PHACTR3: variants seen among roughly 807,000 people sequenced by gnomAD.
PHACTR3 encodes the protein phosphatase and actin regulator 3, also known as protein phosphatase 1, regulatory subunit 123.
In PHACTR3, 16 loss-of-function variants were observed where a neutral mutation model predicts 66.8. The observed-to-expected ratio is 0.24, with a 90% CI of 0.16 to 0.36. PHACTR3 has a LOEUF of 0.36. PHACTR3 is among the 10% of genes least tolerant of loss of function. The pLI is 1.00. For missense variants in PHACTR3, 647 were observed against 719.9 expected (o/e 0.90, Z 1.16); for synonymous variants, 323 against 292.1 (o/e 1.11, Z -1.08).
chr20:59,641,037 T>A, intron 1 of PHACTR3, among the ~76,000 whole-genome samples: 1 of 152,148 alleles, frequency 6.6e-6, no homozygotes, highest in East Asian at 1.9e-4. Context: ...ATAGAGATAA[T>A]GTATGCATAT....
At chr20:59,785,268 A>T (rs911131889) in intron 7 of PHACTR3, among the ~76,000 whole-genome samples, 2 of 151,942 alleles carry the variant, frequency 1.3e-5, no homozygotes, top group African/African-American at 4.8e-5. Context: ...GGTTGGTGAG[A>T]GTGGGTGATG....
At chr20:59,768,290 T>C (rs117102897) in intron 5 of PHACTR3, among the ~76,000 whole-genome samples, 3,399 of 152,342 alleles carry the variant, frequency 0.022, 57 homozygotes, top group Non-Finnish European at 0.035. Context: ...AAGCCTTGCG[T>C]GCTGTCTTTG....
At chr20:59,685,558 G>T (rs1427925251) in intron 1 of PHACTR3, among the ~76,000 whole-genome samples, 2 of 152,190 alleles carry the variant, frequency 1.3e-5, no homozygotes, top group Non-Finnish European at 2.9e-5. Flanking sequence ...CTCCAGGAGG[G>T]TTCACTGCGC....
intron 1 of PHACTR3, among the ~76,000 whole-genome samples, chr20:59,623,887 T>C (rs762737103): frequency 1.3e-5 from 2 of 152,186 alleles, no homozygotes; most frequent in African/African-American, 2.4e-5. Context: ...CTGACACTTA[T>C]GGAGCAGAGG....
chr20:59,846,270 T>C (rs889383039), intron 12 of PHACTR3, among the ~76,000 whole-genome samples: 1 of 152,208 alleles, frequency 6.6e-6, no homozygotes, highest in Non-Finnish European at 1.5e-5. Context: ...TTAATGTGGC[T>C]ATAGAACAGA....
intron 1 of PHACTR3, among the ~76,000 whole-genome samples, chr20:59,647,916 A>G (rs1199798811): frequency 6.6e-6 from 1 of 152,204 alleles, no homozygotes; most frequent in Non-Finnish European, 1.5e-5. Flanking sequence ...CCAGCCTTGC[A>G]ACTTTCCATA....
At chr20:59,716,643 TAA>T (rs1482343569) in intron 1 of PHACTR3, among the ~76,000 whole-genome samples, 1 of 152,204 alleles carries the variant, frequency 6.6e-6, no homozygotes, top group Non-Finnish European at 1.5e-5. Flanking sequence ...TCCAGTCCCC[TAA>T]GCTCAGAGCC....
intron 1 of PHACTR3, among the ~76,000 whole-genome samples, chr20:59,636,735 T>A (rs1439139421): frequency 2.6e-5 from 4 of 152,214 alleles, no homozygotes; most frequent in Admixed American, 1.3e-4. Flanking sequence ...ACTTCACTGA[T>A]GCTTGATAAA....
At chr20:59,801,386 G>A (rs766641698) in intron 7 of PHACTR3, among the ~76,000 whole-genome samples, 93 of 152,300 alleles carry the variant, frequency 6.1e-4, no homozygotes, top group Non-Finnish European at 1.1e-3. Context: ...TTGTGTTTGA[G>A]GTTTGAGTGA....
chr20:59,832,788 C>T (rs2042421923), intron 8 of PHACTR3, among the ~76,000 whole-genome samples: 1 of 152,186 alleles, frequency 6.6e-6, no homozygotes. Context: ...GACCTTTGCA[C>T]ATGTCCTCTC....
At chr20:59,814,449 C>T (rs192333445) in intron 8 of PHACTR3, among the ~76,000 whole-genome samples, 8 of 152,234 alleles carry the variant, frequency 5.3e-5, no homozygotes, top group Non-Finnish European at 1.2e-4. Context: ...GTCCCTATGC[C>T]GTCAGGTGCC....
chr20:59,759,509 T>A (rs1389721173), intron 4 of PHACTR3, among the ~76,000 whole-genome samples: 2 of 152,162 alleles, frequency 1.3e-5, no homozygotes, highest in Admixed American at 1.3e-4. Context: ...TGTTGGAGTT[T>A]GCAACCCTTT....
At chr20:59,765,113 A>G (rs2040138313) in intron 4 of PHACTR3, among the ~76,000 whole-genome samples, 1 of 152,196 alleles carries the variant, frequency 6.6e-6, no homozygotes, top group Non-Finnish European at 1.5e-5. Context: ...CCTCACAACT[A>G]TTTTTACCTA....
intron 1 of PHACTR3, among the ~76,000 whole-genome samples, chr20:59,650,347 G>A (rs1424789120): frequency 6.6e-6 from 1 of 152,090 alleles, no homozygotes; most frequent in Admixed American, 6.6e-5. Context: ...ATATGAAGCT[G>A]TATCCTGTCT....
intron 1 of PHACTR3, among the ~76,000 whole-genome samples, chr20:59,614,754 A>G (rs912729172): frequency 2.0e-5 from 3 of 152,334 alleles, no homozygotes; most frequent in African/African-American, 7.2e-5. Context: ...GTATCCATAT[A>G]TAGAAAAAAT....
At chr20:59,591,921 C>T (rs1406503151) in intron 1 of PHACTR3, among the ~76,000 whole-genome samples, 1 of 152,068 alleles carries the variant, frequency 6.6e-6, no homozygotes, top group African/African-American at 2.4e-5. Flanking sequence ...ACTCTCCAGG[C>T]CTCTGGGTCT....
intron 1 of PHACTR3, among the ~76,000 whole-genome samples, chr20:59,643,341 A>T (rs2035171759): frequency 6.6e-6 from 1 of 152,146 alleles, no homozygotes; most frequent in Admixed American, 6.5e-5. Context: ...ATTTGTAGGA[A>T]CTACTTTTGT....
At chr20:59,753,217 A>G (rs573409417) in intron 3 of PHACTR3, among the ~76,000 whole-genome samples, 1 of 151,960 alleles carries the variant, frequency 6.6e-6, no homozygotes, top group African/African-American at 2.4e-5. Flanking sequence ...GCCCGTCACA[A>G]TGGCCATCTG....
At chr20:59,703,586 T>C (rs957750036) in intron 1 of PHACTR3, among the ~76,000 whole-genome samples, 1 of 152,174 alleles carries the variant, frequency 6.6e-6, no homozygotes, top group Non-Finnish European at 1.5e-5. Context: ...GTTATGAAAA[T>C]AAGACATGTG....
Sources: gnomAD v4.1 joint callset for allele counts (sites outside exome capture counted in the v4.1 genomes callset) on GRCh38, gnomAD v4.1.1 for gene constraint, MANE v1.5 for transcripts, NCBI Gene and HGNC (gene_info 2026-07-23, HGNC 2026-07-21) for gene names.